QTGAL: variants seen among roughly 807,000 people sequenced by gnomAD.
QTGAL encodes BGnT-like protein 1.
At chr17:82,963,642 G>T in the QTGAL span, among the ~76,000 whole-genome samples, 1 of 152,132 alleles carries the variant, frequency 6.6e-6, no homozygotes, top group East Asian at 1.9e-4. Flanking sequence ...TCTTGAATCA[G>T]AAATTCAAGG....
At chr17:82,945,934 G>A in the QTGAL span, 1 of 152,224 alleles carries the variant, frequency 6.6e-6, no homozygotes, top group African/African-American at 2.4e-5. Context: ...CTTATATGTG[G>A]ATTTTTTTTT....
chr17:83,029,713 C>T, the QTGAL span, among the ~76,000 whole-genome samples: 1 of 152,208 alleles, frequency 6.6e-6, no homozygotes, highest in African/African-American at 2.4e-5. Flanking sequence ...ACTCACCTAA[C>T]TCACAATCCT....
At chr17:83,039,166 C>G in the QTGAL span, among the ~76,000 whole-genome samples, 1 of 152,050 alleles carries the variant, frequency 6.6e-6, no homozygotes, top group African/African-American at 2.4e-5. Context: ...TGCATTTCCT[C>G]TCTGCACCTG....
the QTGAL span, chr17:83,005,279 T>A: frequency 8.0e-7 from 1 of 1,256,234 alleles, no homozygotes; most frequent in Admixed American, 2.0e-5. The surrounding 1 kb of genome is among the most constrained non-coding windows in gnomAD (Gnocchi z 5.6). Context: ...CACACCTGTG[T>A]GTATTCATCT....
the QTGAL span, chr17:83,006,838 G>C: frequency 5.1e-6 from 5 of 982,038 alleles, no homozygotes; most frequent in Non-Finnish European, 6.0e-6. This position sits in a 1 kb window ranked among gnomAD's most constrained non-coding sequence, Gnocchi z 5.8. Flanking sequence ...CAATCCACTG[G>C]GATAAATGCC....
the QTGAL span, among the ~76,000 whole-genome samples, chr17:83,008,798 C>T: frequency 1.3e-5 from 2 of 151,882 alleles, no homozygotes; most frequent in Admixed American, 1.3e-4. Context: ...CAGATGATCC[C>T]AGCCAGGATC....
the QTGAL span, chr17:82,978,580 T>C: frequency 4.6e-5 from 7 of 152,216 alleles, no homozygotes; most frequent in African/African-American, 7.2e-5. The surrounding 1 kb of genome is among the most constrained non-coding windows in gnomAD (Gnocchi z 4.8). Context: ...GCAGGTCTCA[T>C]TTCCTGCACG....
the QTGAL span, among the ~76,000 whole-genome samples, chr17:82,996,521 CA>C: frequency 0.052 from 6,474 of 124,888 alleles, 368 homozygotes; most frequent in African/African-American, 0.17. Flanking sequence ...GACTCTGCCT[CA>C]AAAAAAAAAA....
the QTGAL span, among the ~76,000 whole-genome samples, chr17:83,050,612 G>A: frequency 6.6e-6 from 1 of 152,202 alleles, no homozygotes; most frequent in Non-Finnish European, 1.5e-5. Context: ...AACATGCTGA[G>A]CCTTTGGGCG....
the QTGAL span, among the ~76,000 whole-genome samples, chr17:83,015,154 G>A: frequency 6.7e-6 from 1 of 150,270 alleles, no homozygotes; most frequent in African/African-American, 2.5e-5. The surrounding 1 kb of genome is among the most constrained non-coding windows in gnomAD (Gnocchi z 4.4). Flanking sequence ...CCACTGTGGA[G>A]GGGACCGTCT....
the QTGAL span, among the ~76,000 whole-genome samples, chr17:82,993,757 T>TA: frequency 1.3e-3 from 182 of 145,074 alleles, 1 homozygote; most frequent in East Asian, 1.8e-3. Context: ...CTTACAACAT[T>TA]AAAAAAAAAA....
At chr17:83,042,249 C>T in the QTGAL span, among the ~76,000 whole-genome samples, 1 of 152,160 alleles carries the variant, frequency 6.6e-6, no homozygotes, top group Non-Finnish European at 1.5e-5. Context: ...CACCTGTATT[C>T]CCAGCTACCT....
chr17:82,960,199 C>G, the QTGAL span, among the ~76,000 whole-genome samples: 1 of 152,124 alleles, frequency 6.6e-6, no homozygotes, highest in African/African-American at 2.4e-5. Context: ...CTCCTGCCAA[C>G]CCCCCAGCCC....
the QTGAL span, chr17:83,034,932 T>C: frequency 3.8e-5 from 37 of 967,918 alleles, no homozygotes; most frequent in South Asian, 5.2e-4. Flanking sequence ...CTAATAACCA[T>C]TAGAAAAATG....
At chr17:82,947,069 G>T in the QTGAL span, 1 of 1,202,868 alleles carries the variant, frequency 8.3e-7, no homozygotes, top group Non-Finnish European at 1.2e-6. Flanking sequence ...AGGGGTTGGG[G>T]GTGGCCTGTG....
chr17:82,977,719 C>T, the QTGAL span, among the ~76,000 whole-genome samples: 1 of 152,102 alleles, frequency 6.6e-6, no homozygotes, highest in African/African-American at 2.4e-5. Flanking sequence ...TGTTCAGGCA[C>T]TGGACGCAGG....
At chr17:82,957,539 A>G in the QTGAL span, 1 of 1,553,284 alleles carries the variant, frequency 6.4e-7, no homozygotes, top group Non-Finnish European at 8.7e-7. Context: ...GGCCCCACAG[A>G]TGCACACAGA....
the QTGAL span, among the ~76,000 whole-genome samples, chr17:83,018,568 TAATACCCAA>T: frequency 1.3e-5 from 2 of 152,216 alleles, no homozygotes. Context: ...ATGTAATTCT[TAATACCCAA>T]AGTCTCGTAG....
chr17:83,045,584 T>C, the QTGAL span, among the ~76,000 whole-genome samples: 2 of 152,326 alleles, frequency 1.3e-5, no homozygotes, highest in South Asian at 2.1e-4. Flanking sequence ...AATTAGATTT[T>C]TGTCTTCATC....
Sources: allele counts gnomAD v4.1 joint callset (sites outside exome capture counted in the v4.1 genomes callset), GRCh38; gene constraint gnomAD v4.1.1; non-coding constraint Gnocchi (gnomAD v3.1); transcripts MANE v1.5; gene names NCBI Gene and HGNC (gene_info 2026-07-23, HGNC 2026-07-21).